CYP2J2: variants seen among roughly 807,000 people sequenced by gnomAD.
The protein encoded by CYP2J2 is cytochrome P450 2J2.
In CYP2J2, 41 loss-of-function variants were observed where a neutral mutation model predicts 48.8. That is an observed-to-expected ratio of 0.84 (90% CI 0.66 to 1.09). The LOEUF is 1.09. CYP2J2 is among the 50% of genes least tolerant of loss of function. The pLI is 0.00. For missense variants in CYP2J2, 644 were observed against 617.3 expected, an observed-to-expected ratio of 1.04 and a Z score of -0.46; for synonymous variants, 221 against 227.1, an observed-to-expected ratio of 0.97 and a Z score of 0.24.
At chr1:59,930,827 A>T (rs1001033583), upstream of CYP2J2, among the ~76,000 whole-genome samples, 1 of 152,186 alleles carries the variant, frequency 6.6e-6, no homozygotes, top group Non-Finnish European at 1.5e-5. Context: ...ATACTTAAGA[A>T]TGTCCTTAGA....
At chr1:59,921,135 G>C (rs1048732215) in intron 1 of CYP2J2, among the ~76,000 whole-genome samples, 2 of 152,112 alleles carry the variant, frequency 1.3e-5, no homozygotes, top group African/African-American at 2.4e-5. Context: ...TATTTTGCCT[G>C]GCATATGATA....
the CYP2J2 span, among the ~76,000 whole-genome samples, chr1:59,964,475 C>G: frequency 2.0e-5 from 3 of 152,196 alleles, no homozygotes; most frequent in Admixed American, 1.3e-4. Context: ...GGCCAGAGCA[C>G]AGGTCACATG....
intron 4 of CYP2J2, among the ~76,000 whole-genome samples, 155 bp from the exon 5 acceptor site, chr1:59,910,115 C>CA (rs1644399204): frequency 6.6e-6 from 1 of 152,200 alleles, no homozygotes; most frequent in Non-Finnish European, 1.5e-5. Context: ...ACCTCTCTAG[C>CA]AAAACAGTTC....
In CYP2J2 at chr1:59,905,031, ACT is replaced by A; in HGVS notation, c.1029_1030del (p.Arg343SerfsTer25). ...GCTCGGCTGCTGCCCCTGGCCAATCACTCTGTCAATCTCAGCTTGTACTTTTT... is the reference window on the plus strand; with the variant it reads ...GCTCGGCTGCTGCCCCTGGCCAATCACTGTCAATCTCAGCTTGTACTTTTT... On this transcript the variant is annotated frameshift_variant, in exon 7 of 9. Transcript: ENST00000371204. LOFTEE classifies it high-confidence loss of function. 1 of 1,613,464 alleles carries A rather than the reference ACT, an allele frequency of 6.2e-7. No individual in the cohort carries two copies.
upstream of CYP2J2, among the ~76,000 whole-genome samples, chr1:59,931,341 G>A (rs1306896491): frequency 1.3e-5 from 2 of 152,014 alleles, no homozygotes; most frequent in African/African-American, 4.8e-5. Context: ...GTCTTAGAGG[G>A]ACCCCATATT....
the CYP2J2 span, among the ~76,000 whole-genome samples, chr1:59,961,558 T>A: frequency 5.3e-5 from 8 of 152,258 alleles, no homozygotes; most frequent in South Asian, 1.7e-3. Flanking sequence ...TTGGAAAACA[T>A]TCTGGCAGTT....
chr1:59,895,817 G>A (rs778493163), intron 8 of CYP2J2, among the ~76,000 whole-genome samples: 50 of 152,022 alleles, frequency 3.3e-4, no homozygotes, highest in Non-Finnish European at 5.7e-4. Context: ...CTACCAAATC[G>A]CGATTTTTAA....
At chr1:59,960,322 G>A in the CYP2J2 span, among the ~76,000 whole-genome samples, 2 of 152,228 alleles carry the variant, frequency 1.3e-5, no homozygotes, top group Non-Finnish European at 2.9e-5. Context: ...CCCCATCCGA[G>A]TGAAGAGAGA....
At chr1:59,915,867 C>A in intron 2 of CYP2J2, 71 bp downstream of exon 2, 1 of 1,431,556 alleles carries the variant, frequency 7.0e-7, no homozygotes, top group Non-Finnish European at 9.4e-7. Context: ...ATTACAGTCA[C>A]CAAGGTGCCT....
intron 2 of CYP2J2, among the ~76,000 whole-genome samples, chr1:59,914,792 G>T (rs1644449848): frequency 6.6e-6 from 1 of 152,226 alleles, no homozygotes. Context: ...CACCCGTGAA[G>T]GGTCTGTGCT....
chr1:59,961,744 T>TA, the CYP2J2 span, among the ~76,000 whole-genome samples: 2 of 152,114 alleles, frequency 1.3e-5, no homozygotes, highest in Non-Finnish European at 2.9e-5. Flanking sequence ...ATGTGGATAT[T>TA]AAAAATGTGT....
intron 7 of CYP2J2, among the ~76,000 whole-genome samples, chr1:59,901,391 G>A (rs184386667): frequency 1.1e-3 from 164 of 152,268 alleles, no homozygotes; most frequent in Non-Finnish European, 1.9e-3. Flanking sequence ...GTTTCAGTAG[G>A]GCTTGGAAGG....
At chr1:59,915,872 G>T in intron 2 of CYP2J2, 66 bp downstream of exon 2, 1 of 1,440,856 alleles carries the variant, frequency 6.9e-7, no homozygotes, top group Non-Finnish European at 9.3e-7. Context: ...AGTCACCAAG[G>T]TGCCTTTAAC....
intron 1 of CYP2J2, among the ~76,000 whole-genome samples, chr1:59,918,688 A>G (rs1485036123): frequency 6.6e-6 from 1 of 152,018 alleles, no homozygotes; most frequent in African/African-American, 2.4e-5. Context: ...AAAAACCTTA[A>G]CAGAATAAAA....
the CYP2J2 span, among the ~76,000 whole-genome samples, chr1:59,940,487 T>C: frequency 2.0e-5 from 3 of 152,246 alleles, no homozygotes; most frequent in African/African-American, 2.4e-5. Context: ...TTACTTTTAA[T>C]GGCGAAAACT....
In CYP2J2 at chr1:59,926,651, A is replaced by G. The variant is rs376569893; in HGVS notation, c.96T>C (p.Ala32=). 1.9e-6 allele frequency: 3 copies of G among 1,614,058 alleles called. No individual in the cohort carries two copies. In the African/African-American group the frequency reaches 4.0e-5, roughly 22 times the overall value. ...LLGTVAFLLA[A]DFLKRRRPKN... ...TTGGGCGCCGTCTTTTGAGAAAGTC[A>G]GCAGCGAGCAGAAAGGCGACAGTGC... Residue 32 remains alanine (A), a synonymous_variant, in exon 1 of 9, where the codon GCT becomes GCC. Coordinates refer to ENST00000371204, the MANE Select transcript of CYP2J2 (RefSeq NM_000775.4).
the CYP2J2 span, among the ~76,000 whole-genome samples, chr1:59,955,167 A>AAAT: frequency 1.3e-5 from 2 of 149,360 alleles, no homozygotes; most frequent in African/African-American, 4.9e-5. Context: ...ATAAATAAAT[A>AAAT]AATAATTAAA....
intron 1 of CYP2J2, among the ~76,000 whole-genome samples, chr1:59,918,364 G>A (rs927505848): frequency 2.0e-5 from 3 of 152,120 alleles, no homozygotes; most frequent in African/African-American, 7.2e-5. Context: ...TTGTACTTGG[G>A]AGGGATTCAG....
intron 8 of CYP2J2, among the ~76,000 whole-genome samples, chr1:59,899,465 T>G (rs956502744): frequency 6.6e-6 from 1 of 152,210 alleles, no homozygotes; most frequent in Admixed American, 6.5e-5. Flanking sequence ...ACATGGGTCA[T>G]TCCGTTTCTG....
Sources: gnomAD v4.1 joint callset for allele counts (sites outside exome capture counted in the v4.1 genomes callset) on GRCh38, gnomAD v4.1.1 for gene constraint, MANE v1.5 for transcripts, NCBI Gene and HGNC (gene_info 2026-07-23, HGNC 2026-07-21) for gene names.